Variants in R3HDM1 observed in about 807,000 individuals in gnomAD.
R3HDM1 encodes R3H domain containing 1, also known as R3H domain-containing protein 1.
Under a neutral mutation model 141.1 loss-of-function variants are expected in R3HDM1, and 46 were observed. The observed-to-expected ratio is 0.33, with a 90% CI of 0.26 to 0.42. The LOEUF is 0.42. Ranked by LOEUF, R3HDM1 falls within the 10% of genes least tolerant of loss-of-function variation. The pLI is 1.00. For synonymous variants in R3HDM1, 435 were observed against 472.9 expected (o/e 0.92, Z 1.04); for missense variants, 1,184 against 1,368.3 (o/e 0.87, Z 2.12).
At chr2:135,568,824 C>G (rs1703402656) in intron 1 of R3HDM1, 1 of 152,184 alleles carries the variant, frequency 6.6e-6, no homozygotes, top group South Asian at 2.1e-4. Context: ...GGGAAATAGA[C>G]TCAAGTGGAT....
intron 1 of R3HDM1, chr2:135,583,891 A>G (rs1056427538): frequency 1.0e-6 from 1 of 985,348 alleles, no homozygotes; most frequent in Admixed American, 6.1e-5. Flanking sequence ...AGTTCCTATC[A>G]TTCAGATGGG....
intron 19 of R3HDM1, chr2:135,670,452 C>T (rs1311442036): frequency 3.1e-5 from 28 of 913,260 alleles, no homozygotes; most frequent in Non-Finnish European, 3.5e-5. Context: ...AAGAAAATTA[C>T]TTAAATACTT....
intron 15 of R3HDM1, among the ~76,000 whole-genome samples, chr2:135,642,772 C>G (rs1252147008): frequency 2.0e-5 from 3 of 152,082 alleles, no homozygotes; most frequent in Non-Finnish European, 4.4e-5. Context: ...AAAATCATGG[C>G]TTGGGACTCA....
At chr2:135,655,984 T>A (rs1180704425) in intron 18 of R3HDM1, among the ~76,000 whole-genome samples, 2 of 152,194 alleles carry the variant, frequency 1.3e-5, no homozygotes, top group Non-Finnish European at 2.9e-5. Flanking sequence ...TAAATGAGCA[T>A]GGGATGTTTT....
At chr2:135,615,194 A>T (rs1559247931) in intron 3 of R3HDM1, among the ~76,000 whole-genome samples, 1 of 150,664 alleles carries the variant, frequency 6.6e-6, no homozygotes, top group African/African-American at 2.4e-5. Flanking sequence ...GGTACTGTAG[A>T]CTCTTGTTTC....
intron 1 of R3HDM1, among the ~76,000 whole-genome samples, chr2:135,585,543 T>C (rs1261598322): frequency 6.6e-6 from 1 of 152,342 alleles, no homozygotes; most frequent in East Asian, 1.9e-4. Context: ...TACCCAGCTA[T>C]CACAGAAAAC....
intron 21 of R3HDM1, among the ~76,000 whole-genome samples, chr2:135,708,029 A>C (rs937577047): frequency 6.6e-6 from 1 of 152,228 alleles, no homozygotes; most frequent in African/African-American, 2.4e-5. Context: ...TATAAACAGA[A>C]GTATACTGAA....
At position 135,625,681 on chromosome 2, in the gene R3HDM1, A is replaced by G. The variant is rs562012233; in HGVS notation, c.497+2949A>G. ...GGCATGTTCAGAGGGTTGGGACTTC[A>G]GCCCCTGCTCCCAATCTCCTGGATG... On this transcript the variant is annotated intron_variant, in intron 7 of 26. Coordinates refer to ENST00000683871, the MANE Select transcript of R3HDM1 (RefSeq NM_001378107.1). Among the ~76,000 whole-genome samples, 33 of 152,236 alleles carry G rather than the reference A, an allele frequency of 2.2e-4. No individual in the cohort carries two copies. In the South Asian group the frequency reaches 5.8e-3, roughly 27 times the overall value.
intron 1 of R3HDM1, chr2:135,577,230 T>A: frequency 1.0e-6 from 1 of 980,826 alleles, no homozygotes; most frequent in Non-Finnish European, 1.2e-6. Context: ...TAAGAAAATT[T>A]TACATGGCAA....
At chr2:135,717,893 G>A (rs1453318890) in intron 24 of R3HDM1, among the ~76,000 whole-genome samples, 1 of 152,188 alleles carries the variant, frequency 6.6e-6, no homozygotes, top group East Asian at 1.9e-4. Context: ...AACATCTATA[G>A]CAACCTTATT....
intron 19 of R3HDM1, among the ~76,000 whole-genome samples, chr2:135,663,407 CTT>C (rs755758627): frequency 1.3e-5 from 2 of 152,182 alleles, no homozygotes; most frequent in Non-Finnish European, 2.9e-5. Context: ...TAATATAACA[CTT>C]TATAAAAGCT....
chr2:135,684,211 C>T (rs2070890784), intron 21 of R3HDM1, among the ~76,000 whole-genome samples: 1 of 152,072 alleles, frequency 6.6e-6, no homozygotes, highest in African/African-American at 2.4e-5. Context: ...CTGTCTCAGC[C>T]TCCCGAGTAG....
At chr2:135,653,072 C>G (rs1035963716) in intron 18 of R3HDM1, among the ~76,000 whole-genome samples, 3 of 149,994 alleles carry the variant, frequency 2.0e-5, no homozygotes, top group African/African-American at 7.3e-5. Flanking sequence ...AAAAAAAACA[C>G]GGGCCAAACA....
At chr2:135,646,069 C>A (rs571421188) in intron 16 of R3HDM1, among the ~76,000 whole-genome samples, 1 of 152,072 alleles carries the variant, frequency 6.6e-6, no homozygotes, top group Non-Finnish European at 1.5e-5. Flanking sequence ...GTCTTTTTCC[C>A]CTACAGTTGT....
Position 135,638,979 on chromosome 2 carries a change from C to G in R3HDM1, c.1076C>G (p.Pro359Arg). ...ENELKYSEPRPWSSTDSDSSL... is the reference protein window; with the variant it reads ...ENELKYSEPRRWSSTDSDSSL... ...GAGTTGAAGTACTCGGAACCACGAC[C>G]CTGGAGCAGCACAGATTCAGACAGC... Residue 359 changes from proline (P) to arginine (R), a missense_variant, in exon 14 of 27, where the codon CCC becomes CGC. Around this residue, in one of 5 missense-constraint regions of R3HDM1, gnomAD observed 240 missense variants for 312.3 expected, o/e 0.77. Transcript: ENST00000683871. The G allele has an allele frequency of 6.2e-7, 1 of 1,614,046 alleles. No homozygotes were observed. The highest frequency in any genetic ancestry group is 1.7e-4 in the Middle Eastern group (1 of 6,060).
At position 135,568,236 on chromosome 2, in the gene R3HDM1, T is replaced by C. The variant is rs115303977; in HGVS notation, c.-249-34264T>C. Among the ~76,000 whole-genome samples the C allele has an allele frequency of 7.0e-3, 1,071 of 152,054 alleles. 11 individuals are homozygous for C. Among genetic ancestry groups the C allele is most frequent in the African/African-American group, 0.024 (998 of 41,434 alleles). The stretch of plus-strand genomic sequence containing the variant: ...CATGTCCACTAATTTTTTGTAGATA[T>C]GGAATTTCACCATGTTGCCCAGGCT... On this transcript the variant is annotated intron_variant, in intron 1 of 26. Transcript: ENST00000683871.
chr2:135,653,817 A>T (rs1385350349), intron 18 of R3HDM1, among the ~76,000 whole-genome samples: 1 of 151,978 alleles, frequency 6.6e-6, no homozygotes, highest in Non-Finnish European at 1.5e-5. Context: ...AATCCTAGCT[A>T]CTCGGTAGCG....
chr2:135,687,618 A>G (rs1032957490), intron 21 of R3HDM1, among the ~76,000 whole-genome samples: 8 of 150,400 alleles, frequency 5.3e-5, no homozygotes, highest in African/African-American at 1.9e-4. Context: ...TAAAGCAACA[A>G]ATATTTTTAT....
At position 135,707,382 on chromosome 2, in the gene R3HDM1, T is replaced by C. The variant is rs1390895227; in HGVS notation, c.2460-2051T>C. On this transcript the variant is annotated intron_variant, in intron 21 of 26. Coordinates refer to ENST00000683871, the MANE Select transcript of R3HDM1 (RefSeq NM_001378107.1). ...GTCTCATTGCCTAGTCTATGTCCCTTGAATTATCTATACGTCTCTCAGAAG... is the reference window on the plus strand; with the variant it reads ...GTCTCATTGCCTAGTCTATGTCCCTCGAATTATCTATACGTCTCTCAGAAG... Among the ~76,000 whole-genome samples the C allele has an allele frequency of 2.6e-5, 4 of 152,228 alleles. No individual in the cohort carries two copies. The East Asian group carries it at 7.7e-4, about 29-fold the overall frequency.
Sources: gnomAD v4.1 joint callset for allele counts (sites outside exome capture counted in the v4.1 genomes callset) on GRCh38, gnomAD v4.1.1 for gene constraint, gnomAD v4.1.1 regional missense constraint, MANE v1.5 for transcripts, NCBI Gene and HGNC (gene_info 2026-07-23, HGNC 2026-07-21) for gene names.